The following KCNN2 variants were observed in gnomAD, a reference collection of about 807,000 sequenced individuals.
KCNN2 encodes the protein potassium calcium-activated channel subfamily N member 2.
Under a neutral mutation model 55.5 loss-of-function variants are expected in KCNN2, and 24 were observed. The observed-to-expected ratio is 0.43, with a 90% CI of 0.31 to 0.61. KCNN2 has a LOEUF of 0.61. KCNN2 is among the 20% of genes least tolerant of loss of function. The pLI is 0.08. For missense variants in KCNN2, 754 were observed against 853.6 expected (o/e 0.88, Z 1.45); for synonymous variants, 431 against 336.1 (o/e 1.28, Z -3.09).
At chr5:114,117,083 A>G (rs1039259062) in intron 1 of KCNN2, among the ~76,000 whole-genome samples, 4 of 152,162 alleles carry the variant, frequency 2.6e-5, no homozygotes, top group African/African-American at 9.7e-5. Flanking sequence ...AAACATAAGC[A>G]GAGAGCCAAG....
At chr5:114,238,171 A>G (rs1193510352) in intron 2 of KCNN2, among the ~76,000 whole-genome samples, 1 of 152,242 alleles carries the variant, frequency 6.6e-6, no homozygotes, top group Non-Finnish European at 1.5e-5. Context: ...AGATATAGTT[A>G]AATACTAGAG....
intron 2 of KCNN2, among the ~76,000 whole-genome samples, chr5:114,314,843 A>G (rs1254053786): frequency 6.6e-6 from 1 of 152,104 alleles, no homozygotes; most frequent in African/African-American, 2.4e-5. Context: ...AAAACAATAA[A>G]TTGCTACATG....
chr5:114,192,791 T>A (rs1753477130), intron 1 of KCNN2, among the ~76,000 whole-genome samples: 1 of 152,124 alleles, frequency 6.6e-6, no homozygotes, highest in Non-Finnish European at 1.5e-5. Context: ...TAGTGGTTGT[T>A]TTATCTGAAG....
chr5:114,380,292 G>C (rs984558294), intron 2 of KCNN2, among the ~76,000 whole-genome samples: 1 of 152,092 alleles, frequency 6.6e-6, no homozygotes, highest in Non-Finnish European at 1.5e-5. Flanking sequence ...GCTTCTTTCT[G>C]GTGGTCCATC....
chr5:114,441,228 T>A (rs545296224), intron 3 of KCNN2, among the ~76,000 whole-genome samples: 1 of 152,318 alleles, frequency 6.6e-6, no homozygotes, highest in South Asian at 2.1e-4. Context: ...AATTAATACA[T>A]TTACTATTAT....
chr5:114,112,355 C>T (rs532537608), intron 1 of KCNN2, among the ~76,000 whole-genome samples: 12 of 152,084 alleles, frequency 7.9e-5, no homozygotes, highest in Non-Finnish European at 1.6e-4. Flanking sequence ...GAAGGGATGG[C>T]ATTAAGAGAA....
intron 2 of KCNN2, among the ~76,000 whole-genome samples, chr5:114,369,582 T>G (rs981977683): frequency 6.6e-6 from 1 of 152,160 alleles, no homozygotes; most frequent in Non-Finnish European, 1.5e-5. Context: ...CTGAATTCCT[T>G]TGTTGAGTGG....
chr5:114,105,930 A>G (rs544294031), intron 1 of KCNN2, among the ~76,000 whole-genome samples: 4 of 152,084 alleles, frequency 2.6e-5, no homozygotes, highest in African/African-American at 7.2e-5. Context: ...TTATTTCTAT[A>G]AAAAGTTCAT....
In KCNN2 at chr5:114,238,187, T is replaced by C. The variant is rs1025164988; in HGVS notation, c.-185+16622T>C. Among the ~76,000 whole-genome samples, 10 of 152,228 alleles carry C rather than the reference T, an allele frequency of 6.6e-5. No individual in the cohort carries two copies. In the East Asian group the frequency reaches 1.3e-3, roughly 20 times the overall value. ...GATATAGTTAAATACTAGAGACTTC[T>C]TGAGAAATACTTTGCTATCCTCTTG... is the stretch of plus-strand genomic sequence containing the variant. On this transcript the variant is annotated intron_variant, in intron 2 of 10. Transcript: ENST00000512097.
chr5:114,374,117 A>T (rs1278835847), intron 2 of KCNN2, among the ~76,000 whole-genome samples: 1 of 152,110 alleles, frequency 6.6e-6, no homozygotes, highest in Non-Finnish European at 1.5e-5. Context: ...GCCATTTTCC[A>T]CATAAACTTA....
intron 2 of KCNN2, among the ~76,000 whole-genome samples, chr5:114,255,876 T>G (rs922673745): frequency 5.3e-5 from 8 of 152,202 alleles, no homozygotes; most frequent in African/African-American, 1.9e-4. Context: ...TTTTATCAAT[T>G]TAGGGTACAA....
At chr5:114,285,283 C>CAA (rs70976334) in intron 2 of KCNN2, among the ~76,000 whole-genome samples, 674 of 56,020 alleles carry the variant, frequency 0.012, 2 homozygotes, top group Middle Eastern at 0.038. Flanking sequence ...ACTCCATCTC[C>CAA]AAAAAAAAAA....
intron 1 of KCNN2, among the ~76,000 whole-genome samples, chr5:114,149,869 C>T (rs1265481670): frequency 6.6e-6 from 1 of 152,076 alleles, no homozygotes; most frequent in Non-Finnish European, 1.5e-5. Context: ...ATGCCTTAAC[C>T]CTAAAGAGGC....
chr5:114,386,277 T>C (rs1335680502), intron 2 of KCNN2, among the ~76,000 whole-genome samples: 2 of 151,550 alleles, frequency 1.3e-5, no homozygotes, highest in Non-Finnish European at 2.9e-5. Context: ...TCAAATGGAA[T>C]AGTGATTGTG....
At chr5:114,233,525 C>T (rs573932509) in intron 2 of KCNN2, among the ~76,000 whole-genome samples, 2 of 152,104 alleles carry the variant, frequency 1.3e-5, no homozygotes, top group South Asian at 4.1e-4. Context: ...TCCCTTGACT[C>T]TGTTTTATAA....
intron 2 of KCNN2, among the ~76,000 whole-genome samples, chr5:114,326,095 C>T (rs1756709753): frequency 6.6e-6 from 1 of 152,112 alleles, no homozygotes. Context: ...TTTCAGCTTT[C>T]AGAATTTGGA....
At chr5:114,268,353 A>G (rs1454460933) in intron 2 of KCNN2, among the ~76,000 whole-genome samples, 3 of 152,350 alleles carry the variant, frequency 2.0e-5, no homozygotes, top group African/African-American at 7.2e-5. Context: ...CAAGTTCGCC[A>G]TTTCCATGAT....
intron 1 of KCNN2, among the ~76,000 whole-genome samples, chr5:114,152,434 G>A (rs185079741): frequency 6.6e-6 from 1 of 152,100 alleles, no homozygotes; most frequent in Non-Finnish European, 1.5e-5. Context: ...GTTATGTTTA[G>A]TCAAGTTATT....
chr5:114,420,566 T>C (rs556308317), intron 3 of KCNN2, among the ~76,000 whole-genome samples: 1 of 152,344 alleles, frequency 6.6e-6, no homozygotes, highest in Admixed American at 6.5e-5. Context: ...TTATGAAGTT[T>C]GCCTGCTATC....
Sources: allele counts gnomAD v4.1 joint callset (sites outside exome capture counted in the v4.1 genomes callset), GRCh38; gene constraint gnomAD v4.1.1; transcripts MANE v1.5; gene names NCBI Gene and HGNC (gene_info 2026-07-23, HGNC 2026-07-21).